The following FLVCR1 variants were observed in gnomAD, a reference collection of about 807,000 sequenced individuals.
FLVCR1 encodes FLVCR choline and heme transporter 1, also known as choline/ethanolamine transporter FLVCR1.
In FLVCR1, 34 loss-of-function variants were observed where a neutral mutation model predicts 53.6. That is an observed-to-expected ratio of 0.63 (90% confidence interval 0.48 to 0.84). FLVCR1 has a LOEUF of 0.84. Among genes scored for constraint, FLVCR1 ranks in the 40% least tolerant of loss-of-function variants. The probability of loss-of-function intolerance (pLI) is 0.00; values close to 1 mark genes in which losing one functional copy is unlikely to be tolerated. For synonymous variants in FLVCR1, 300 were observed against 286.3 expected (o/e 1.05, Z -0.48); for missense variants, 677 against 696.7 (o/e 0.97, Z 0.32).
chr1:212,875,687 A>G (rs1045027008), intron 3 of FLVCR1, among the ~76,000 whole-genome samples: 1 of 151,780 alleles, frequency 6.6e-6, no homozygotes, highest in Non-Finnish European at 1.5e-5. Context: ...TAAAAATACA[A>G]AAATTAGCTG....
chr1:212,892,606 G>A (rs1433919069), intron 8 of FLVCR1, among the ~76,000 whole-genome samples: 1 of 152,170 alleles, frequency 6.6e-6, no homozygotes, highest in Non-Finnish European at 1.5e-5. Context: ...CAAGAGCTCT[G>A]ATGAAGATGT....
Position 212,858,812 on chromosome 1 carries a change from C to T in FLVCR1, c.360C>T (p.Val120=), listed in dbSNP as rs376428271. Residue 120 remains valine, a synonymous_variant, in exon 1 of 10, where the codon GTC becomes GTT. Transcript: ENST00000366971. ...VLLIFSLYSL[V]NAFQWIQYSI... is the part of the protein sequence containing the mutation. ...TGATCTTCAGCCTGTACTCGCTGGT[C>T]AACGCCTTTCAGTGGATCCAGTACA... 6.8e-6 allele frequency: 11 copies of T among 1,614,114 alleles called. No homozygotes were observed. In the African/African-American group the frequency reaches 1.5e-4, roughly 22 times the overall value.
At chr1:212,860,176 A>G (rs1664178947) in intron 1 of FLVCR1, among the ~76,000 whole-genome samples, 1 of 152,140 alleles carries the variant, frequency 6.6e-6, no homozygotes, top group South Asian at 2.1e-4. Flanking sequence ...CAGGTGGCCA[A>G]GGCATGAGAA....
intron 3 of FLVCR1, among the ~76,000 whole-genome samples, chr1:212,873,416 T>C (rs1304022449): frequency 1.3e-5 from 2 of 152,236 alleles, no homozygotes; most frequent in African/African-American, 4.8e-5. Flanking sequence ...TGAACTATAG[T>C]TATCCTGATG....
At position 212,896,602 on chromosome 1, in the gene FLVCR1, C is replaced by G. The variant is rs189754154; in HGVS notation, c.*1312C>G. ...TATCTTCATAGTAATGACATTTGAT[C>G]AGCCATAAAATTTACATTATGTTCA... On this transcript the variant is annotated 3_prime_UTR_variant, in exon 10 of 10. Coordinates refer to ENST00000366971, the MANE Select transcript of FLVCR1 (RefSeq NM_014053.4). 1 of 152,022 alleles carries G rather than the reference C, an allele frequency of 6.6e-6. No individual in the cohort carries two copies. The highest frequency in any genetic ancestry group is 1.5e-5 in the Non-Finnish European group (1 of 68,004). 9.4% of individuals were successfully genotyped at this position (152,022 alleles called of 1,614,324 possible). A position where few individuals can be genotyped will look rare whatever the true frequency, so the allele number is the denominator to read the frequency against.
At chr1:212,871,782 G>A (rs1231824200) in intron 2 of FLVCR1, among the ~76,000 whole-genome samples, 1 of 152,126 alleles carries the variant, frequency 6.6e-6, no homozygotes, top group Non-Finnish European at 1.5e-5. Flanking sequence ...ACAGCAAAAA[G>A]GTGGTCTCTA....
In FLVCR1 at chr1:212,895,450, T is replaced by C. The variant is rs1665308264; in HGVS notation, c.*160T>C. The C allele has an allele frequency of 4.6e-6, 3 of 656,368 alleles. No homozygotes were observed. The highest frequency in any genetic ancestry group is 3.6e-5 in the African/African-American group (2 of 55,276). The allele number at this position is 656,368 out of a possible 1,614,324, so 40.7% of individuals were successfully genotyped here. On this transcript the variant is annotated 3_prime_UTR_variant, in exon 10 of 10. Coordinates refer to ENST00000366971, the MANE Select transcript of FLVCR1 (RefSeq NM_014053.4). ...TCTAAATGCATAATTATTATTTTGC[T>C]TAATTGTTAAATTAAGGGAAATTTT...
chr1:212,867,606 A>G (rs1664474008), intron 2 of FLVCR1, among the ~76,000 whole-genome samples: 1 of 152,182 alleles, frequency 6.6e-6, no homozygotes, highest in Non-Finnish European at 1.5e-5. Context: ...ATTCTTGCAT[A>G]AGTGGTAATG....
At chr1:212,859,642 C>T (rs1664156756) in intron 1 of FLVCR1, among the ~76,000 whole-genome samples, 1 of 151,950 alleles carries the variant, frequency 6.6e-6, no homozygotes, top group South Asian at 2.1e-4. Context: ...CTCTTGAACC[C>T]GGGAGGTGGA....
chr1:212,863,671 A>G, intron 1 of FLVCR1, 54 bp from the exon 2 acceptor site: 4 of 1,527,822 alleles, frequency 2.6e-6, no homozygotes, highest in Middle Eastern at 1.7e-4. Context: ...AATTGCCAGC[A>G]TTTACTTTTT....
At chr1:212,877,774 A>G (rs7528113) in intron 3 of FLVCR1, among the ~76,000 whole-genome samples, 10,163 of 149,980 alleles carry the variant, frequency 0.068, 373 homozygotes, top group East Asian at 0.099. Flanking sequence ...AAGCTTATCT[A>G]CAAAGACCCT....
intron 2 of FLVCR1, among the ~76,000 whole-genome samples, chr1:212,870,383 C>T (rs1447483726): frequency 6.6e-6 from 1 of 152,150 alleles, no homozygotes; most frequent in Non-Finnish European, 1.5e-5. Context: ...AGGGTCATTT[C>T]TTACTTTCCC....
intron 8 of FLVCR1, among the ~76,000 whole-genome samples, chr1:212,891,941 T>A (rs1665204672): frequency 1.3e-5 from 2 of 152,198 alleles, no homozygotes; most frequent in Admixed American, 1.3e-4. Context: ...GTTTGAGTGG[T>A]CTTGTTAGAA....
At chr1:212,895,097 G>C in intron 9 of FLVCR1, 44 bp downstream of exon 9, 2 of 1,369,408 alleles carry the variant, frequency 1.5e-6, no homozygotes, top group Non-Finnish European at 2.1e-6. Context: ...AGTATGTATA[G>C]AATAAATGTG....
Position 212,896,056 on chromosome 1 carries a change from C to T in FLVCR1, c.*766C>T, listed in dbSNP as rs1394234926. The T allele has an allele frequency of 6.6e-6, 1 of 151,928 alleles. No homozygotes were observed. Among genetic ancestry groups the T allele is most frequent in the Non-Finnish European group, 1.5e-5 (1 of 68,014 alleles). 9.4% of individuals were successfully genotyped at this position (151,928 alleles called of 1,614,324 possible). ...GCTGCCTTTCTATCATGGATAAATG[C>T]TAACGCTGTATTTTTTCACTCCAAC... On this transcript the variant is annotated 3_prime_UTR_variant, in exon 10 of 10. Transcript: ENST00000366971.
At position 212,874,101 on chromosome 1, in the gene FLVCR1, G is replaced by A. The variant is rs140856623; in HGVS notation, c.1024+1283G>A. Among the ~76,000 whole-genome samples, 1,201 of 152,104 alleles carry A rather than the reference G, an allele frequency of 7.9e-3. 21 individuals carry two copies. The highest frequency in any genetic ancestry group is 0.025 in the African/African-American group (1,054 of 41,488). The stretch of plus-strand genomic sequence containing the variant: ...CAGCTCATTGCAACCTCTGCCTCCC[G>A]GGTTCAAGCAATTCTCCTGCCTCAG... On this transcript the variant is annotated intron_variant, in intron 3 of 9. Coordinates refer to ENST00000366971, the MANE Select transcript of FLVCR1 (RefSeq NM_014053.4).
intron 4 of FLVCR1, among the ~76,000 whole-genome samples, chr1:212,884,560 T>G (rs1358232346): frequency 6.6e-6 from 1 of 152,156 alleles, no homozygotes; most frequent in Non-Finnish European, 1.5e-5. Context: ...GATAAATAAA[T>G]ATCAAGTTTT....
At chr1:212,876,491 G>A (rs909269894) in intron 3 of FLVCR1, among the ~76,000 whole-genome samples, 1 of 151,442 alleles carries the variant, frequency 6.6e-6, no homozygotes, top group African/African-American at 2.4e-5. Context: ...TCAGCCTCCC[G>A]AGTAGCTGGG....
At chr1:212,869,438 C>G (rs1214042538) in intron 2 of FLVCR1, among the ~76,000 whole-genome samples, 1 of 152,216 alleles carries the variant, frequency 6.6e-6, no homozygotes, top group Non-Finnish European at 1.5e-5. Context: ...CTGGTAAATA[C>G]AGGCTTGATT....
Sources: gnomAD v4.1 joint callset for allele counts (sites outside exome capture counted in the v4.1 genomes callset) on GRCh38, gnomAD v4.1.1 for gene constraint, MANE v1.5 for transcripts, NCBI Gene and HGNC (gene_info 2026-07-23, HGNC 2026-07-21) for gene names.